PROX1: variants seen among roughly 807,000 people sequenced by gnomAD.
PROX1 encodes prospero homeobox protein 1.
PROX1 carries 7 observed loss-of-function variants against 58.8 expected under a neutral mutation model. The ratio of observed to expected loss-of-function variants is 0.12; its 90% confidence interval spans 0.07 to 0.22. PROX1 has a LOEUF of 0.22. PROX1 is among the 10% of genes least tolerant of loss of function. The pLI is 1.00. For synonymous variants in PROX1, 350 were observed against 358.3 expected (o/e 0.98, Z 0.26); for missense variants, 675 against 927.8 (o/e 0.73, Z 3.54).
At chr1:213,994,750 AATATATATATATATATATATAT>A (rs66460564) in intron 1 of PROX1, among the ~76,000 whole-genome samples, 1,778 of 88,310 alleles carry the variant, frequency 0.02, 49 homozygotes, top group East Asian at 0.055. Context: ...CAAGCATGCA[AATATATATATATATATATATAT>A]ATATATATAT....
intron 1 of PROX1, among the ~76,000 whole-genome samples, chr1:213,996,057 T>C (rs1663251910): frequency 6.6e-6 from 1 of 152,230 alleles, no homozygotes; most frequent in Middle Eastern, 3.2e-3. Flanking sequence ...TTTCTCATAG[T>C]CTCAAAATTT....
At chr1:214,023,627 G>A (rs76421685) in intron 4 of PROX1, among the ~76,000 whole-genome samples, 1 of 152,140 alleles carries the variant, frequency 6.6e-6, no homozygotes, top group South Asian at 2.1e-4. Context: ...CCAAATGATA[G>A]TAATATAGAT....
Position 214,039,439 on chromosome 1 carries a change from A to T in PROX1, c.*3605A>T, listed in dbSNP as rs935718135. ...CTAGGGATGTGGGTGAATATCATTT[A>T]AAAAAATTTAAAACAACAAAAAAAA... On this transcript the variant is annotated 3_prime_UTR_variant, in exon 5 of 5. Transcript: ENST00000366958. 3.9e-5 allele frequency: 6 copies of T among 152,124 alleles called. No individual in the cohort carries two copies. Among genetic ancestry groups the T allele is most frequent in the Non-Finnish European group, 5.9e-5 (4 of 68,032 alleles). 9.4% of individuals were successfully genotyped at this position (152,124 alleles called of 1,614,324 possible). A position where few individuals can be genotyped will look rare whatever the true frequency, so the allele number is the denominator to read the frequency against.
chr1:214,027,850 G>A (rs932719852), intron 4 of PROX1, among the ~76,000 whole-genome samples: 13 of 149,752 alleles, frequency 8.7e-5, no homozygotes, highest in East Asian at 2.0e-4. Flanking sequence ...TTGTTCTTTC[G>A]AAGCTTTATA....
chr1:214,017,600 T>C (rs764938781), intron 4 of PROX1, among the ~76,000 whole-genome samples: 3 of 151,456 alleles, frequency 2.0e-5, no homozygotes, highest in Non-Finnish European at 2.9e-5. Flanking sequence ...GTGTTTTGTG[T>C]ATGGATGAGT....
chr1:214,035,667 G>C lies in PROX1; in HGVS notation c.2047G>C (p.Glu683Gln). The change falls in exon 5 of 5, where the codon GAA becomes CAA. Residue 683 changes from glutamate to glutamine, a missense_variant. Around this residue, in one of 8 missense-constraint regions of PROX1, gnomAD observed 50 missense variants for 79.3 expected, o/e 0.63. Transcript: ENST00000366958. ...TCAGCAGGTTCCAGAGAGATTCCTGGAAGTTGCTCAGATCACATTACGGGA... is the reference window on the plus strand; with the variant it reads ...TCAGCAGGTTCCAGAGAGATTCCTGCAAGTTGCTCAGATCACATTACGGGA... ...NDFEVPERFL[E>Q]VAQITLREFF... The C allele has an allele frequency of 1.2e-6, 2 of 1,612,536 alleles. No individual in the cohort carries two copies. The highest frequency in any genetic ancestry group is 1.7e-6 in the Non-Finnish European group (2 of 1,179,232).
chr1:214,015,488 C>G (rs1388648462), intron 4 of PROX1, among the ~76,000 whole-genome samples: 1 of 152,002 alleles, frequency 6.6e-6, no homozygotes, highest in South Asian at 2.1e-4. Context: ...CATACTGATA[C>G]TTGTGACTTT....
chr1:213,988,460 C>T lies in PROX1; in HGVS notation c.-91C>T, dbSNP rs958499359. On this transcript the variant is annotated 5_prime_UTR_variant, in exon 1 of 5. Coordinates refer to ENST00000366958, the MANE Select transcript of PROX1 (RefSeq NM_001270616.2). ...AGAGAGAGAGAGAGAGAGAGAGGCTCGGTCCCACTGCTCCCTGCACCGCGT... is the reference window on the plus strand; with the variant it reads ...AGAGAGAGAGAGAGAGAGAGAGGCTTGGTCCCACTGCTCCCTGCACCGCGT... 4.1e-5 allele frequency: 6 copies of T among 146,292 alleles called. No individual in the cohort carries two copies. The highest frequency in any genetic ancestry group is 9.2e-5 in the Non-Finnish European group (6 of 65,402). 9.1% of individuals were successfully genotyped at this position (146,292 alleles called of 1,614,324 possible). A position where few individuals can be genotyped will look rare whatever the true frequency, so the allele number is the denominator to read the frequency against.
intron 3 of PROX1, among the ~76,000 whole-genome samples, chr1:214,009,278 T>C (rs973325470): frequency 2.0e-5 from 3 of 152,222 alleles, no homozygotes; most frequent in Non-Finnish European, 4.4e-5. Context: ...CAGAGACTCG[T>C]ACACTGTGGA....
intron 4 of PROX1, chr1:214,029,188 TA>T (rs1664561374): frequency 6.6e-6 from 1 of 152,222 alleles, no homozygotes; most frequent in Non-Finnish European, 1.5e-5. Flanking sequence ...GTACTTCAAC[TA>T]TTTGTCTCCT....
chr1:214,040,835 T>A lies in PROX1; in HGVS notation c.*5001T>A, dbSNP rs1248252253. The A allele has an allele frequency of 1.3e-5, 2 of 152,168 alleles. No homozygotes were observed. Among genetic ancestry groups the A allele is most frequent in the African/African-American group, 2.4e-5 (1 of 41,456 alleles). 9.4% of individuals were successfully genotyped at this position (152,168 alleles called of 1,614,324 possible). The stretch of plus-strand genomic sequence containing the variant: ...CTATTGTTCTGAAGACTTTGCATAA[T>A]TTATTGGTTTAATTTATCCTAATTT... On this transcript the variant is annotated 3_prime_UTR_variant, in exon 5 of 5. Coordinates refer to ENST00000366958, the MANE Select transcript of PROX1 (RefSeq NM_001270616.2).
intron 1 of PROX1, among the ~76,000 whole-genome samples, chr1:213,994,927 A>G (rs1362010335): frequency 1.3e-5 from 2 of 151,476 alleles, no homozygotes; most frequent in African/African-American, 4.9e-5. Flanking sequence ...AAATATACAT[A>G]TTGTTGCCAT....
intron 4 of PROX1, chr1:214,030,318 G>T (rs144899462): frequency 0.01 from 1,566 of 151,936 alleles, 25 homozygotes; most frequent in Admixed American, 0.037. Context: ...TTTCTCCATC[G>T]AAGCAAGTTT....
At chr1:214,031,976 C>A (rs1397978852) in intron 4 of PROX1, among the ~76,000 whole-genome samples, 4 of 152,156 alleles carry the variant, frequency 2.6e-5, no homozygotes, top group African/African-American at 9.7e-5. Context: ...TTGTCCAGTC[C>A]AGTCCATTGC....
At chr1:213,994,150 C>T (rs985395219) in intron 1 of PROX1, among the ~76,000 whole-genome samples, 3 of 152,136 alleles carry the variant, frequency 2.0e-5, no homozygotes, top group Non-Finnish European at 2.9e-5. Context: ...TGCTCATCAG[C>T]GACACCAGTC....
At chr1:214,018,261 A>T (rs762502557) in intron 4 of PROX1, among the ~76,000 whole-genome samples, 3 of 152,248 alleles carry the variant, frequency 2.0e-5, no homozygotes, top group Non-Finnish European at 4.4e-5. Context: ...AGAAATTTTA[A>T]TGACTATTCA....
At chr1:214,001,055 C>G (rs1191945844) in intron 2 of PROX1, among the ~76,000 whole-genome samples, 1 of 152,128 alleles carries the variant, frequency 6.6e-6, no homozygotes, top group Admixed American at 6.5e-5. Flanking sequence ...GCTTTCCAAA[C>G]TGTTATATAT....
At position 214,011,823 on chromosome 1, in the gene PROX1, G is replaced by A. The variant is rs558579045; in HGVS notation, c.2028+108G>A. The A allele has an allele frequency of 5.0e-5, 46 of 911,876 alleles. No homozygotes were observed. In the South Asian group the frequency reaches 9.0e-4, roughly 18 times the overall value. 56.5% of individuals were successfully genotyped at this position (911,876 alleles called of 1,614,324 possible). On this transcript the variant is annotated intron_variant, in intron 4 of 4. Transcript: ENST00000366958. Reference sequence around the variant, plus strand: ...GTTTTTGTGTTGGTTTCGCATACAAGCATCCCCCAATAGAGTAACAGGTAG... The same window carrying A: ...GTTTTTGTGTTGGTTTCGCATACAAACATCCCCCAATAGAGTAACAGGTAG...
At chr1:213,998,381 A>G (rs1372369168) in intron 2 of PROX1, 121 bp downstream of exon 2, 6 of 1,217,468 alleles carry the variant, frequency 4.9e-6, no homozygotes, top group East Asian at 2.5e-5. Context: ...AACCTTTCCC[A>G]TTATTCAAAG....
Sources: gnomAD v4.1 joint callset for allele counts (sites outside exome capture counted in the v4.1 genomes callset) on GRCh38, gnomAD v4.1.1 for gene constraint, gnomAD v4.1.1 regional missense constraint, MANE v1.5 for transcripts, NCBI Gene and HGNC (gene_info 2026-07-23, HGNC 2026-07-21) for gene names.